KIF13B: variants seen among roughly 807,000 people sequenced by gnomAD.
The protein encoded by KIF13B is kinesin-like protein KIF13B.
A neutral mutation model predicts 222.0 loss-of-function variants in KIF13B; 127 were observed. The ratio of observed to expected loss-of-function variants is 0.57; its 90% CI spans 0.50 to 0.66. The LOEUF (loss-of-function observed/expected upper bound fraction) is 0.66, where lower values mean the gene tolerates loss of function less well. Among genes scored for constraint, KIF13B ranks in the 30% least tolerant of loss-of-function variants. The pLI, the probability that KIF13B is intolerant of heterozygous loss-of-function variation, is 0.00. For synonymous variants in KIF13B, 976 were observed against 919.0 expected, an observed-to-expected ratio of 1.06 and a Z score of -1.12; for missense variants, 2,173 against 2,379.0, an observed-to-expected ratio of 0.91 and a Z score of 1.80.
At chr8:29,140,646 CA>C (rs753472479) in intron 19 of KIF13B, 29 bp from the exon 20 acceptor site, 8 of 1,591,814 alleles carry the variant, frequency 5.0e-6, no homozygotes, top group Non-Finnish European at 6.9e-6. Flanking sequence ...CACACAACTT[CA>C]GAAAAACCAT....
chr8:29,103,487 G>A (rs1808897227), intron 35 of KIF13B, among the ~76,000 whole-genome samples: 1 of 152,070 alleles, frequency 6.6e-6, no homozygotes, highest in Non-Finnish European at 1.5e-5. Flanking sequence ...ACACACGATA[G>A]CAATAAATAG....
intron 13 of KIF13B, among the ~76,000 whole-genome samples, chr8:29,157,302 C>G (rs189159218): frequency 6.6e-6 from 1 of 151,308 alleles, no homozygotes; most frequent in Non-Finnish European, 1.5e-5. Context: ...CACCTGTAAT[C>G]CCAGCAATTT....
intron 2 of KIF13B, among the ~76,000 whole-genome samples, chr8:29,208,919 C>T (rs1814081257): frequency 6.6e-6 from 1 of 152,218 alleles, no homozygotes; most frequent in South Asian, 2.1e-4. Context: ...TCACGTGCCC[C>T]TGCCTGCCTC....
chr8:29,091,229 C>T (rs139780255), intron 37 of KIF13B, among the ~76,000 whole-genome samples: 1 of 152,304 alleles, frequency 6.6e-6, no homozygotes, highest in Non-Finnish European at 1.5e-5. Context: ...CACTGTTGTT[C>T]CTCTCACTTC....
chr8:29,072,171 C>G lies in KIF13B; in HGVS notation c.4667G>C (p.Gly1556Ala). The G allele has an allele frequency of 1.4e-6, 2 of 1,428,598 alleles. No homozygotes were observed. The highest frequency in any genetic ancestry group is 3.0e-5 in the African/African-American group (2 of 67,154). The allele number at this position is 1,428,598 out of a possible 1,614,324, so 88.5% of individuals were successfully genotyped here. A position where few individuals can be genotyped will look rare whatever the true frequency, so the allele number is the denominator to read the frequency against. ...AVTPAPEAQDGPPSPLSEASS... is the reference protein window; with the variant it reads ...AVTPAPEAQDAPPSPLSEASS... Reference sequence around the variant, plus strand: ...GGCTTCACTCAGGGGGCTGGGGGGCCCGTCCTGTGCCTCCGGAGCCGGGGT... The same window carrying G: ...GGCTTCACTCAGGGGGCTGGGGGGCGCGTCCTGTGCCTCCGGAGCCGGGGT... The change falls in exon 39 of 40, where the codon GGG becomes GCG. Residue 1556 changes from glycine to alanine, a missense_variant. Physicochemically the swap from Gly to Ala is moderately conservative, Grantham distance 60 (BLOSUM62 0). Coordinates refer to ENST00000524189, the MANE Select transcript of KIF13B (RefSeq NM_015254.4).
chr8:29,180,231 T>A lies in KIF13B; in HGVS notation c.593A>T (p.Glu198Val). ...KLAVTSYKDI[E>V]SLMSEGNKSR... ...TTTGTTACCCTCAGACATCAACGAC[T>A]CAATATCCTAAGTGGAAACAAGTCA... Residue 198 changes from glutamate (E) to valine (V), a missense_variant, in exon 8 of 40, where the codon GAG becomes GTG. Transcript: ENST00000524189. The A allele has an allele frequency of 6.2e-7, 1 of 1,613,998 alleles. No individual in the cohort carries two copies.
At chr8:29,221,518 T>C (rs948757166) in intron 2 of KIF13B, among the ~76,000 whole-genome samples, 10 of 150,232 alleles carry the variant, frequency 6.7e-5, no homozygotes, top group South Asian at 2.1e-4. Flanking sequence ...CTGAAACTAA[T>C]ATAAAAATGA....
chr8:29,206,249 A>C (rs771166974), intron 2 of KIF13B, among the ~76,000 whole-genome samples: 4 of 152,306 alleles, frequency 2.6e-5, no homozygotes, highest in Admixed American at 2.0e-4. Flanking sequence ...ACATAGTGAG[A>C]CCTTGTCTCT....
At chr8:29,224,765 C>G (rs768197991) in intron 2 of KIF13B, among the ~76,000 whole-genome samples, 1 of 151,638 alleles carries the variant, frequency 6.6e-6, no homozygotes, top group Non-Finnish European at 1.5e-5. Flanking sequence ...GGAGTGTGTA[C>G]GCGTAATTAG....
At chr8:29,180,009 C>G (rs1453805294) in intron 8 of KIF13B, 95 bp downstream of exon 8, 2 of 1,391,166 alleles carry the variant, frequency 1.4e-6, no homozygotes, top group Non-Finnish European at 1.0e-6. Context: ...CAAGTCTAGC[C>G]AGGACTTTAA....
chr8:29,135,906 A>G (rs1810533251), intron 21 of KIF13B, among the ~76,000 whole-genome samples: 1 of 152,184 alleles, frequency 6.6e-6, no homozygotes, highest in Non-Finnish European at 1.5e-5. Flanking sequence ...ACAAACAAGC[A>G]AACAAGCAAA....
chr8:29,155,775 C>T lies in KIF13B; in HGVS notation c.1486G>A (p.Asp496Asn), dbSNP rs752417793. ...ATAACCTGGCCTTCTGACGTGATGT[C>T]TATAATACAGTGTTCAGGAAGAATT... The part of the protein sequence containing the change: ...MGILPEHCII[D>N]ITSEGQVMLT... Residue 496 changes from aspartate to asparagine, a missense_variant, in exon 14 of 40, where the codon GAC becomes AAC. Asp to Asn is a conservative substitution (Grantham distance 23). This residue lies in a region of KIF13B where 1,480 missense variants were observed against 1,722.8 expected (regional missense o/e 0.86). Coordinates refer to ENST00000524189, the MANE Select transcript of KIF13B (RefSeq NM_015254.4). 4.9e-5 allele frequency: 79 copies of T among 1,602,188 alleles called. No homozygotes were observed. The Middle Eastern group carries it at 1.3e-3, about 27-fold the overall frequency.
At chr8:29,220,609 A>G (rs932564318) in intron 2 of KIF13B, among the ~76,000 whole-genome samples, 14 of 152,148 alleles carry the variant, frequency 9.2e-5, no homozygotes, top group Non-Finnish European at 2.1e-4. Context: ...GGTTTTGATA[A>G]TAAGCCCACA....
chr8:29,097,973 C>T (rs1316661808), intron 36 of KIF13B, among the ~76,000 whole-genome samples: 2 of 151,088 alleles, frequency 1.3e-5, no homozygotes, highest in Non-Finnish European at 3.0e-5. Flanking sequence ...AGATAGAGAC[C>T]AACCTGGCTA....
intron 31 of KIF13B, among the ~76,000 whole-genome samples, chr8:29,114,399 G>A (rs1042739561): frequency 1.3e-5 from 2 of 152,180 alleles, no homozygotes; most frequent in Non-Finnish European, 2.9e-5. Context: ...ATCTCAGAAT[G>A]CAGAGAGACC....
rs1387582884 is a variant in KIF13B, at chr8:29,164,804, C to T, written c.1269+858G>A. 4.6e-5 allele frequency among the ~76,000 whole-genome samples: 7 copies of T among 151,460 alleles called. No homozygotes were observed. In the East Asian group the frequency reaches 1.4e-3, roughly 29 times the overall value. ...ACAGACTTTTTCTCCCAATGCTAAA[C>T]TTAACTAGATCTTCCTAGACGAATT... On this transcript the variant is annotated intron_variant, in intron 12 of 39. Coordinates refer to ENST00000524189, the MANE Select transcript of KIF13B (RefSeq NM_015254.4).
chr8:29,173,232 G>A (rs1044877698), intron 10 of KIF13B, among the ~76,000 whole-genome samples: 8 of 152,012 alleles, frequency 5.3e-5, no homozygotes, highest in Non-Finnish European at 7.4e-5. Context: ...GATATTTGTT[G>A]TTTTAAATGG....
chr8:29,135,964 A>ATCATTT (rs1554603521), intron 21 of KIF13B, among the ~76,000 whole-genome samples: 9 of 151,390 alleles, frequency 5.9e-5, no homozygotes, highest in Non-Finnish European at 8.9e-5. Context: ...CACAAACCAG[A>ATCATTT]TATTTTCTTC....
chr8:29,212,876 G>A (rs1436423423), intron 2 of KIF13B, among the ~76,000 whole-genome samples: 2 of 150,262 alleles, frequency 1.3e-5, no homozygotes, highest in South Asian at 2.2e-4. Flanking sequence ...TAAAGTAATC[G>A]TTATTCCTTT....
Sources: allele counts gnomAD v4.1 joint callset (sites outside exome capture counted in the v4.1 genomes callset), GRCh38; gene constraint gnomAD v4.1.1; regional missense constraint gnomAD v4.1.1; transcripts MANE v1.5; gene names NCBI Gene and HGNC (gene_info 2026-07-23, HGNC 2026-07-21).